CTNNAL1: variants seen among roughly 807,000 people sequenced by gnomAD.
The protein encoded by CTNNAL1 is catenin alpha like 1.
CTNNAL1 carries 69 observed loss-of-function variants against 93.6 expected under a neutral mutation model. That is an observed-to-expected ratio of 0.74 (90% CI 0.61 to 0.90). The LOEUF (loss-of-function observed/expected upper bound fraction) is 0.90. Among genes scored for constraint, CTNNAL1 ranks in the 40% least tolerant of loss-of-function variants. The probability of loss-of-function intolerance (pLI) is 0.00; values close to 1 mark genes in which losing one functional copy is unlikely to be tolerated. For missense variants in CTNNAL1, 836 were observed against 862.0 expected, an observed-to-expected ratio of 0.97 and a Z score of 0.38; for synonymous variants, 286 against 305.4, an observed-to-expected ratio of 0.94 and a Z score of 0.66.
chr9:108,943,253 C>T (rs1830299144), intron 17 of CTNNAL1, among the ~76,000 whole-genome samples: 1 of 152,150 alleles, frequency 6.6e-6, no homozygotes, highest in African/African-American at 2.4e-5. Context: ...TCTCATGGAA[C>T]CCCAGCAGAA....
chr9:108,973,453 C>T (rs759085560), intron 8 of CTNNAL1, among the ~76,000 whole-genome samples: 26 of 152,260 alleles, frequency 1.7e-4, no homozygotes, highest in Admixed American at 2.6e-4. Context: ...GCATACATGA[C>T]AAGTAGGACA....
chr9:109,008,560 C>T (rs764681437), intron 1 of CTNNAL1, among the ~76,000 whole-genome samples: 1 of 152,198 alleles, frequency 6.6e-6, no homozygotes, highest in African/African-American at 2.4e-5. Flanking sequence ...TTACAACAAA[C>T]CATTTTCAAA....
At position 108,979,450 on chromosome 9, in the gene CTNNAL1, TAAAG is replaced by T; in HGVS notation, c.928_931del (p.Leu310IlefsTer10). On this transcript the variant is annotated frameshift_variant, in exon 7 of 19. Coordinates refer to ENST00000325551, the MANE Select transcript of CTNNAL1 (RefSeq NM_003798.4). LOFTEE classifies it high-confidence loss of function. ...AGAAAGGTTCTCTTTGGACTGAAAATAAAGATTCTCCCGAAGAGCTTCAATATTC... is the reference window on the plus strand; with the variant it reads ...AGAAAGGTTCTCTTTGGACTGAAAATATTCTCCCGAAGAGCTTCAATATTC... The T allele has an allele frequency of 6.2e-7, 1 of 1,613,970 alleles. No homozygotes were observed. The highest frequency in any genetic ancestry group is 1.3e-5 in the African/African-American group (1 of 74,970).
At chr9:108,984,295 T>A (rs1831532078) in intron 5 of CTNNAL1, 52 bp downstream of exon 5, 1 of 878,178 alleles carries the variant, frequency 1.1e-6, no homozygotes, top group Non-Finnish European at 1.9e-6. Flanking sequence ...ATGCATTTAG[T>A]CGGGTGTTCT....
intron 11 of CTNNAL1, among the ~76,000 whole-genome samples, chr9:108,961,101 A>G (rs1052794047): frequency 2.6e-5 from 4 of 152,228 alleles, no homozygotes; most frequent in African/African-American, 9.6e-5. Context: ...TAGTTTGCCA[A>G]TCACAGGAGG....
chr9:109,008,711 T>C (rs1455476767), intron 1 of CTNNAL1, among the ~76,000 whole-genome samples: 1 of 152,130 alleles, frequency 6.6e-6, no homozygotes, highest in Non-Finnish European at 1.5e-5. Flanking sequence ...TTTCCTCTTC[T>C]GTGAAATTAT....
At chr9:108,977,316 CT>C (rs1831294412) in intron 7 of CTNNAL1, 1 of 205,470 alleles carries the variant, frequency 4.9e-6, no homozygotes, top group African/African-American at 2.3e-5. Context: ...GAAAGGTGAA[CT>C]TTTAAAATCT....
At chr9:108,995,426 A>C (rs1831980426) in intron 2 of CTNNAL1, among the ~76,000 whole-genome samples, 1 of 152,218 alleles carries the variant, frequency 6.6e-6, no homozygotes, top group Non-Finnish European at 1.5e-5. Flanking sequence ...TTAACTCATA[A>C]GTACGTGGGA....
At chr9:109,002,201 G>A (rs1826855286) in intron 1 of CTNNAL1, among the ~76,000 whole-genome samples, 1 of 152,162 alleles carries the variant, frequency 6.6e-6, no homozygotes, top group South Asian at 2.1e-4. Flanking sequence ...CAGATTTGGT[G>A]TCTACTAAGG....
chr9:108,998,970 A>C, intron 2 of CTNNAL1, 97 bp downstream of exon 2: 1 of 1,350,658 alleles, frequency 7.4e-7, no homozygotes, highest in Non-Finnish European at 9.9e-7. Context: ...ATAATCAAAG[A>C]GCTGTATATC....
intron 3 of CTNNAL1, among the ~76,000 whole-genome samples, chr9:108,991,735 A>C (rs1027922813): frequency 6.6e-6 from 1 of 152,134 alleles, no homozygotes; most frequent in African/African-American, 2.4e-5. Context: ...TGCCAGATCC[A>C]CCTCTCCAAT....
At chr9:109,012,303 G>A (rs953804623) in intron 1 of CTNNAL1, among the ~76,000 whole-genome samples, 2 of 152,154 alleles carry the variant, frequency 1.3e-5, no homozygotes, top group Non-Finnish European at 2.9e-5. Context: ...GGTACTGGTG[G>A]CCAGGTGTCA....
chr9:108,966,039 C>G (rs909962514), intron 10 of CTNNAL1, among the ~76,000 whole-genome samples: 1 of 152,136 alleles, frequency 6.6e-6, no homozygotes, highest in African/African-American at 2.4e-5. Context: ...TAATATCCCC[C>G]AAAATATACA....
chr9:109,001,991 G>A (rs73527204), intron 1 of CTNNAL1, among the ~76,000 whole-genome samples: 3,529 of 152,256 alleles, frequency 0.023, 135 homozygotes, highest in African/African-American at 0.081. Flanking sequence ...CTGTAAAATC[G>A]GGCAGTGAAA....
chr9:108,980,810 G>T (rs1831406097), intron 6 of CTNNAL1, among the ~76,000 whole-genome samples: 1 of 152,058 alleles, frequency 6.6e-6, no homozygotes, highest in African/African-American at 2.4e-5. Context: ...TTATGTTAAG[G>T]TTTTTTATTT....
chr9:108,972,864 G>GGGGGCCCCCCCCC, intron 8 of CTNNAL1, 31 bp from the exon 9 acceptor site: 168 of 141,520 alleles, frequency 1.2e-3, no homozygotes, highest in Non-Finnish European at 1.5e-3. Context: ...GGGGGGGTGG[G>GGGGGCCCCCCCCC]AGGGTGGAGA....
At chr9:108,984,526 G>C (rs551611775) in intron 4 of CTNNAL1, 90 bp from the exon 5 acceptor site, 6 of 449,756 alleles carry the variant, frequency 1.3e-5, no homozygotes, top group Non-Finnish European at 3.9e-6. Context: ...TAATACTCAA[G>C]AATTCACTAA....
At chr9:108,959,732 T>C (rs2132109538) in intron 11 of CTNNAL1, among the ~76,000 whole-genome samples, 1 of 152,324 alleles carries the variant, frequency 6.6e-6, no homozygotes. Flanking sequence ...ACAGATCTGA[T>C]ATATAGAATT....
chr9:108,993,211 G>A (rs2297578), intron 2 of CTNNAL1, among the ~76,000 whole-genome samples: 10,805 of 152,236 alleles, frequency 0.071, 477 homozygotes, highest in Admixed American at 0.13. Flanking sequence ...GCTGGGGCGA[G>A]GCCGGGGAGA....
Sources: allele counts gnomAD v4.1 joint callset (sites outside exome capture counted in the v4.1 genomes callset), GRCh38; gene constraint gnomAD v4.1.1; transcripts MANE v1.5; gene names NCBI Gene and HGNC (gene_info 2026-07-23, HGNC 2026-07-21).